Variants in SLC7A1 observed in about 807,000 individuals in gnomAD.
The protein encoded by SLC7A1 is solute carrier family 7 member 1, also known as high affinity cationic amino acid transporter 1.
Under a neutral mutation model 53.9 loss-of-function variants are expected in SLC7A1, and 10 were observed. The observed-to-expected ratio is 0.19, with a 90% CI of 0.11 to 0.31. SLC7A1 has a LOEUF of 0.31. Among genes scored for constraint, SLC7A1 ranks in the 10% least tolerant of loss-of-function variants. The pLI is 1.00. For synonymous variants in SLC7A1, 342 were observed against 338.7 expected, an observed-to-expected ratio of 1.01 and a Z score of -0.11; for missense variants, 525 against 827.2, an observed-to-expected ratio of 0.63 and a Z score of 4.48.
At chr13:29,523,032 T>C (rs1013717104) in intron 7 of SLC7A1, among the ~76,000 whole-genome samples, 9 of 152,198 alleles carry the variant, frequency 5.9e-5, no homozygotes, top group African/African-American at 1.9e-4. Flanking sequence ...AAGCAGATGA[T>C]GCTGAAAAGC....
chr13:29,555,288 G>A (rs1299703656), intron 1 of SLC7A1, among the ~76,000 whole-genome samples: 2 of 130,534 alleles, frequency 1.5e-5, no homozygotes, highest in Non-Finnish European at 3.2e-5. Context: ...AACCCGGGAG[G>A]AGGAGCTTGC....
chr13:29,544,174 CTG>C (rs1869799892), intron 2 of SLC7A1, among the ~76,000 whole-genome samples: 1 of 152,210 alleles, frequency 6.6e-6, no homozygotes, highest in Non-Finnish European at 1.5e-5. Flanking sequence ...CAGCGTGAAT[CTG>C]TTGCTGAAAT....
Position 29,584,830 on chromosome 13 carries a change from G to A in SLC7A1, c.-115+10586C>T, listed in dbSNP as rs148302221. On this transcript the variant is annotated intron_variant, in intron 1 of 12. Transcript: ENST00000380752. ...CTATTGTTAATATAGTTTCAATACC[G>A]TTCGATATTAACCCATAAGATTTAG... 2.9e-3 allele frequency among the ~76,000 whole-genome samples: 444 copies of A among 152,252 alleles called. 2 individuals are homozygous for A. Among genetic ancestry groups the A allele is most frequent in the African/African-American group, 0.01 (419 of 41,550 alleles).
chr13:29,592,040 G>A (rs749501456), intron 1 of SLC7A1, among the ~76,000 whole-genome samples: 2 of 152,170 alleles, frequency 1.3e-5, no homozygotes, highest in African/African-American at 2.4e-5. Context: ...TAAGGTTCAC[G>A]AAGTCTAAAT....
chr13:29,592,639 G>A (rs1479596207), intron 1 of SLC7A1, among the ~76,000 whole-genome samples: 3 of 152,228 alleles, frequency 2.0e-5, no homozygotes, highest in Non-Finnish European at 4.4e-5. Context: ...GGGTATGGGA[G>A]TGGGGGAGGA....
intron 1 of SLC7A1, among the ~76,000 whole-genome samples, chr13:29,557,647 A>G (rs1566267992): frequency 7.0e-6 from 1 of 142,776 alleles, no homozygotes; most frequent in South Asian, 2.7e-4. Context: ...CTGAGTGTCA[A>G]TGAGTGAGGG....
At chr13:29,565,958 C>A (rs745852549) in intron 1 of SLC7A1, among the ~76,000 whole-genome samples, 1 of 152,198 alleles carries the variant, frequency 6.6e-6, no homozygotes, top group Non-Finnish European at 1.5e-5. Context: ...TCTCAAAAGG[C>A]AGTGAGTTAG....
chr13:29,529,904 C>A (rs1266199846), intron 5 of SLC7A1, among the ~76,000 whole-genome samples: 1 of 152,072 alleles, frequency 6.6e-6, no homozygotes, highest in Non-Finnish European at 1.5e-5. Flanking sequence ...GAGGGCTGGG[C>A]GAGAGACCTG....
At chr13:29,540,897 G>A (rs1869634931) in intron 2 of SLC7A1, among the ~76,000 whole-genome samples, 1 of 152,212 alleles carries the variant, frequency 6.6e-6, no homozygotes, top group Non-Finnish European at 1.5e-5. Flanking sequence ...TATCATGAAT[G>A]GGTGGGCATA....
chr13:29,533,659 C>G (rs1869275427), intron 3 of SLC7A1, among the ~76,000 whole-genome samples: 1 of 152,184 alleles, frequency 6.6e-6, no homozygotes, highest in African/African-American at 2.4e-5. Context: ...CAGACCCCAG[C>G]CCTCCTCGTT....
At chr13:29,531,807 C>A (rs2482094) in intron 4 of SLC7A1, among the ~76,000 whole-genome samples, 31,752 of 152,006 alleles carry the variant, frequency 0.21, 3,483 homozygotes, top group African/African-American at 0.22. Context: ...GCACTCCAGC[C>A]TGGGTGACAG....
In SLC7A1 at chr13:29,555,357, CAAAAAAAAA is replaced by C. The variant is rs538934310; in HGVS notation, c.-114-1506_-114-1498del. 7.5e-3 allele frequency among the ~76,000 whole-genome samples: 141 copies of C among 18,784 alleles called. 6 individuals are homozygous for C. The highest frequency in any genetic ancestry group is 0.083 in the Middle Eastern group (1 of 12). The allele number at this position is 18,784 out of a possible 152,430, so 12.3% of individuals were successfully genotyped here. On this transcript the variant is annotated intron_variant, in intron 1 of 12. Coordinates refer to ENST00000380752, the MANE Select transcript of SLC7A1 (RefSeq NM_003045.5). ...TGGGCGACAGAGCGAGACTCCGTCTCAAAAAAAAAAAAAAAAAAAAAAAAGAATTACATT... is the reference window on the plus strand; with the variant it reads ...TGGGCGACAGAGCGAGACTCCGTCTCAAAAAAAAAAAAAAAGAATTACATT...
chr13:29,517,401 G>C lies in SLC7A1; in HGVS notation c.1511-91C>G, dbSNP rs994715038. 2.4e-5 allele frequency: 33 copies of C among 1,391,454 alleles called. No homozygotes were observed. The East Asian group carries it at 6.2e-4, about 26-fold the overall frequency. The allele number at this position is 1,391,454 out of a possible 1,614,324, so 86.2% of individuals were successfully genotyped here. On this transcript the variant is annotated intron_variant, in intron 10 of 12. Transcript: ENST00000380752. The stretch of plus-strand genomic sequence containing the variant: ...CTGTTCTCCCCTAAACTTGTGGAGA[G>C]AGAGGCTCCATTTCCGAAGGCACAA...
chr13:29,535,438 G>A (rs888462906), intron 3 of SLC7A1, among the ~76,000 whole-genome samples: 1 of 152,212 alleles, frequency 6.6e-6, no homozygotes, highest in Non-Finnish European at 1.5e-5. Flanking sequence ...AACACAGAGT[G>A]TCTTATGCCT....
chr13:29,578,553 C>T (rs868043242), intron 1 of SLC7A1, among the ~76,000 whole-genome samples: 2 of 152,198 alleles, frequency 1.3e-5, no homozygotes, highest in Non-Finnish European at 2.9e-5. Context: ...GCTGAGTCTG[C>T]CCAGAGCCCA....
chr13:29,585,060 G>A (rs1329058329), intron 1 of SLC7A1, among the ~76,000 whole-genome samples: 1 of 152,202 alleles, frequency 6.6e-6, no homozygotes, highest in East Asian at 1.9e-4. Context: ...ACTGTGTCAG[G>A]TTAACGAAGG....
At chr13:29,523,008 A>C (rs1868701866) in intron 7 of SLC7A1, among the ~76,000 whole-genome samples, 1 of 152,204 alleles carries the variant, frequency 6.6e-6, no homozygotes, top group Non-Finnish European at 1.5e-5. Context: ...GGGACAGAGA[A>C]CCAGTCCCTT....
At chr13:29,576,017 G>A (rs1871393382) in intron 1 of SLC7A1, among the ~76,000 whole-genome samples, 2 of 152,048 alleles carry the variant, frequency 1.3e-5, no homozygotes, top group Admixed American at 6.5e-5. Context: ...GCCACGTGTG[G>A]TAGCTCATGC....
chr13:29,517,823 CTGCT>C, intron 9 of SLC7A1, 33 bp from the exon 10 acceptor site: 9 of 1,559,438 alleles, frequency 5.8e-6, no homozygotes, highest in Non-Finnish European at 8.0e-6. Flanking sequence ...ACCGCCACAT[CTGCT>C]TCAAGCAAAA....
Sources: allele counts gnomAD v4.1 joint callset (sites outside exome capture counted in the v4.1 genomes callset), GRCh38; gene constraint gnomAD v4.1.1; transcripts MANE v1.5; gene names NCBI Gene and HGNC (gene_info 2026-07-23, HGNC 2026-07-21).